The following RBFOX1 variants were observed in gnomAD, a reference collection of about 807,000 sequenced individuals.
The protein encoded by RBFOX1 is RNA binding fox-1 homolog 1, also known as RNA binding protein fox-1 homolog 1.
Under a neutral mutation model 57.7 loss-of-function variants are expected in RBFOX1, and 8 were observed. The observed-to-expected ratio is 0.14, with a 90% CI of 0.08 to 0.25. The LOEUF (loss-of-function observed/expected upper bound fraction) is 0.25. Ranked by LOEUF, RBFOX1 falls within the 10% of genes least tolerant of loss-of-function variation. The probability of loss-of-function intolerance (pLI) is 1.00; values close to 1 mark genes in which losing one functional copy is unlikely to be tolerated. For synonymous variants in RBFOX1, 326 were observed against 222.4 expected, an observed-to-expected ratio of 1.47 and a Z score of -4.15; for missense variants, 611 against 548.5, an observed-to-expected ratio of 1.11 and a Z score of -1.14.
chr16:7,518,788 C>G (rs546204663), intron 5 of RBFOX1, among the ~76,000 whole-genome samples: 1 of 152,086 alleles, frequency 6.6e-6, no homozygotes, highest in African/African-American at 2.4e-5. Flanking sequence ...TTTGGGAGGC[C>G]GAGATGGGAG....
At chr16:6,214,476 G>C (rs1340139411) in intron 1 of RBFOX1, among the ~76,000 whole-genome samples, 3 of 144,040 alleles carry the variant, frequency 2.1e-5, no homozygotes, top group Admixed American at 1.4e-4. Flanking sequence ...GGGAGAAAAG[G>C]AGAGGGGGAG....
chr16:6,419,071 G>T (rs1403246374), intron 2 of RBFOX1, among the ~76,000 whole-genome samples: 1 of 152,098 alleles, frequency 6.6e-6, no homozygotes, highest in Non-Finnish European at 1.5e-5. Context: ...CATCTCCAGG[G>T]TTATCTTTGC....
chr16:6,531,939 T>G (rs565120700), intron 2 of RBFOX1, among the ~76,000 whole-genome samples: 1 of 152,176 alleles, frequency 6.6e-6, no homozygotes, highest in Admixed American at 6.5e-5. Flanking sequence ...TTAGCAGTAG[T>G]CAGTGAGCTT....
chr16:7,559,731 C>T (rs909394827), intron 5 of RBFOX1, among the ~76,000 whole-genome samples: 2 of 152,194 alleles, frequency 1.3e-5, no homozygotes, highest in Non-Finnish European at 2.9e-5. Flanking sequence ...AAGAACTTTG[C>T]GGGCCTTTCG....
chr16:5,937,824 A>G (rs1221918746), intron 4 of RBFOX1, among the ~76,000 whole-genome samples: 1 of 150,558 alleles, frequency 6.6e-6, no homozygotes, highest in Non-Finnish European at 1.5e-5. Flanking sequence ...ATATATGTTC[A>G]TAGTATACAT....
At chr16:6,846,930 AAG>A (rs768258851) in intron 3 of RBFOX1, among the ~76,000 whole-genome samples, 80 of 152,076 alleles carry the variant, frequency 5.3e-4, no homozygotes, top group Non-Finnish European at 1.1e-3. Context: ...CAAAAAAAAA[AAG>A]AGGTGATGGC....
At chr16:7,234,618 G>A (rs113631147) in intron 4 of RBFOX1, among the ~76,000 whole-genome samples, 1,636 of 146,246 alleles carry the variant, frequency 0.011, 35 homozygotes, top group African/African-American at 0.04. Context: ...GTATATATAT[G>A]TTTGTATGTG....
chr16:5,485,279 G>C (rs1157115888), intron 2 of RBFOX1, among the ~76,000 whole-genome samples: 1 of 138,744 alleles, frequency 7.2e-6, no homozygotes, highest in Non-Finnish European at 1.5e-5. Flanking sequence ...CCAGGAGGCG[G>C]AGCTTGCAGT....
In RBFOX1 at chr16:6,664,826, C is replaced by T. The variant is rs186815607; in HGVS notation, c.-16+10176C>T. ...CAAAAGGCAAGGTAGTACAGTTTTGCAGTCAAACGGATCTGGAGTTGAATC... is the reference window on the plus strand; with the variant it reads ...CAAAAGGCAAGGTAGTACAGTTTTGTAGTCAAACGGATCTGGAGTTGAATC... On this transcript the variant is annotated intron_variant, in intron 3 of 15. Coordinates refer to ENST00000550418, the MANE Select transcript of RBFOX1 (RefSeq NM_018723.4). Among the ~76,000 whole-genome samples, 121 of 152,272 alleles carry T rather than the reference C, an allele frequency of 7.9e-4. 1 individual carries two copies. Among genetic ancestry groups the T allele is most frequent in the Non-Finnish European group, 7.4e-5 (5 of 68,024 alleles).
chr16:6,661,598 AAGTC>A (rs1186924541), intron 3 of RBFOX1, among the ~76,000 whole-genome samples: 1 of 152,166 alleles, frequency 6.6e-6, no homozygotes, highest in Non-Finnish European at 1.5e-5. Flanking sequence ...GCCAAAGTGA[AAGTC>A]AGCAGGGGAA....
intron 4 of RBFOX1, among the ~76,000 whole-genome samples, chr16:7,368,893 G>T (rs572066824): frequency 6.6e-6 from 1 of 152,086 alleles, no homozygotes; most frequent in East Asian, 1.9e-4. Flanking sequence ...AACAAAGAAA[G>T]TGCCCTCTAA....
At chr16:6,362,676 C>T (rs1444601027) in intron 2 of RBFOX1, among the ~76,000 whole-genome samples, 2 of 152,186 alleles carry the variant, frequency 1.3e-5, no homozygotes, top group East Asian at 1.9e-4. Context: ...CAGAAGGTGA[C>T]TGGTTCTGGT....
At chr16:6,815,005 A>C (rs1000567820) in intron 3 of RBFOX1, among the ~76,000 whole-genome samples, 2 of 152,188 alleles carry the variant, frequency 1.3e-5, no homozygotes, top group African/African-American at 2.4e-5. Context: ...GCTCATCCTT[A>C]TCATTACTTC....
At chr16:6,916,996 C>T (rs936883236) in intron 3 of RBFOX1, among the ~76,000 whole-genome samples, 2 of 152,030 alleles carry the variant, frequency 1.3e-5, no homozygotes, top group Admixed American at 1.3e-4. Context: ...ATTACACATG[C>T]ATGCCATCAC....
chr16:5,404,313 C>T (rs1289627608), intron 1 of RBFOX1, among the ~76,000 whole-genome samples: 2 of 152,110 alleles, frequency 1.3e-5, no homozygotes, highest in Admixed American at 6.6e-5. Flanking sequence ...AAAAGAAGTG[C>T]CAACCTTCTG....
At chr16:6,810,415 T>G (rs1003900136) in intron 3 of RBFOX1, among the ~76,000 whole-genome samples, 1 of 152,106 alleles carries the variant, frequency 6.6e-6, no homozygotes, top group African/African-American at 2.4e-5. Context: ...CAATGGTACT[T>G]TTTCCTGGGA....
In RBFOX1 at chr16:5,947,879, G is replaced by A. The variant is rs1020986298; in HGVS notation, c.351+80544G>A. Among the ~76,000 whole-genome samples the A allele has an allele frequency of 6.6e-5, 10 of 152,208 alleles. No homozygotes were observed. Among genetic ancestry groups the A allele is most frequent in the Non-Finnish European group, 8.8e-5 (6 of 68,028 alleles). On this transcript the variant is annotated intron_variant, in intron 4 of 19. Coordinates refer to the RBFOX1 transcript ENST00000641259. This position sits in a 1 kb window ranked among gnomAD's most constrained non-coding sequence, Gnocchi z 7.2. ...GTAATTACCGGGCCACCCGTAACGG[G>A]AGTTTATGTAATTATTAGTTTGAAT...
At chr16:6,598,724 G>A (rs993483837) in intron 2 of RBFOX1, among the ~76,000 whole-genome samples, 11 of 152,124 alleles carry the variant, frequency 7.2e-5, no homozygotes, top group Non-Finnish European at 1.6e-4. Context: ...GAGGCAGGCA[G>A]ATCACGAGGT....
intron 2 of RBFOX1, among the ~76,000 whole-genome samples, chr16:6,601,083 G>C (rs561815009): frequency 6.6e-6 from 1 of 152,208 alleles, no homozygotes; most frequent in African/African-American, 2.4e-5. Context: ...AGAAATTATA[G>C]AGTAGCAACA....
Sources: gnomAD v4.1 joint callset for allele counts (sites outside exome capture counted in the v4.1 genomes callset) on GRCh38, gnomAD v4.1.1 for gene constraint, Gnocchi (gnomAD v3.1) non-coding constraint, MANE v1.5 for transcripts, NCBI Gene and HGNC (gene_info 2026-07-23, HGNC 2026-07-21) for gene names.